The following PACRG variants were observed in gnomAD, a reference collection of about 807,000 sequenced individuals.
The protein encoded by PACRG is parkin coregulated gene protein.
A neutral mutation model predicts 29.7 loss-of-function variants in PACRG; 29 were observed. That is an observed-to-expected ratio of 0.98 (90% CI 0.73 to 1.33). The LOEUF (loss-of-function observed/expected upper bound fraction) is 1.33, where lower values mean the gene tolerates loss of function less well. Among genes scored for constraint, PACRG ranks in the 40% most tolerant of loss-of-function variants. PACRG has a pLI of 0.00. For missense variants in PACRG, 279 were observed against 316.2 expected, an observed-to-expected ratio of 0.88 and a Z score of 0.89; for synonymous variants, 116 against 118.7, an observed-to-expected ratio of 0.98 and a Z score of 0.15.
intron 4 of PACRG, among the ~76,000 whole-genome samples, chr6:163,311,851 T>A (rs942665886): frequency 7.2e-5 from 11 of 152,226 alleles, no homozygotes; most frequent in African/African-American, 2.7e-4. Context: ...AAAGTTCTGC[T>A]TGTCATTGCT....
intron 2 of PACRG, among the ~76,000 whole-genome samples, chr6:162,824,808 T>C (rs1788142392): frequency 6.6e-6 from 1 of 152,232 alleles, no homozygotes; most frequent in Non-Finnish European, 1.5e-5. Context: ...TAGATCACTA[T>C]TCAAGGAAGA....
intron 4 of PACRG, among the ~76,000 whole-genome samples, chr6:163,252,221 C>T (rs1245897299): frequency 6.6e-6 from 1 of 152,240 alleles, no homozygotes; most frequent in Non-Finnish European, 1.5e-5. Flanking sequence ...AGGGCCGCAG[C>T]CCCTGCTGCT....
intron 3 of PACRG, among the ~76,000 whole-genome samples, chr6:163,067,405 G>A (rs1303587871): frequency 6.6e-6 from 1 of 152,238 alleles, no homozygotes; most frequent in Admixed American, 6.5e-5. Context: ...TCCCTTGTAT[G>A]TGGGATCAGG....
chr6:163,291,204 A>C lies in PACRG; in HGVS notation c.614-23623A>C, dbSNP rs1436107806. Reference sequence around the variant, plus strand: ...GCCTGCCCGAGCTGGCCTGCGGGTCACCCTGCAAGATGTCCCCTCTGCCCG... The same window carrying C: ...GCCTGCCCGAGCTGGCCTGCGGGTCCCCCTGCAAGATGTCCCCTCTGCCCG... On this transcript the variant is annotated intron_variant, in intron 4 of 4. Coordinates refer to ENST00000366888, the MANE Select transcript of PACRG (RefSeq NM_001080379.2). Among the ~76,000 whole-genome samples the C allele has an allele frequency of 8.8e-5, 12 of 136,838 alleles. 1 individual carries two copies. The highest frequency in any genetic ancestry group is 3.6e-4 in the African/African-American group (12 of 33,782). The allele number at this position is 136,838 out of a possible 152,430, so 89.8% of individuals were successfully genotyped here.
At chr6:163,049,675 C>T (rs990483112) in intron 2 of PACRG, among the ~76,000 whole-genome samples, 8 of 151,832 alleles carry the variant, frequency 5.3e-5, no homozygotes, top group Non-Finnish European at 1.0e-4. Context: ...ATACAAATGA[C>T]CTTCAAAAAT....
chr6:163,150,497 A>G (rs762192362), intron 4 of PACRG, among the ~76,000 whole-genome samples: 18 of 152,326 alleles, frequency 1.2e-4, no homozygotes, highest in East Asian at 3.9e-4. Context: ...GCCCCAAGGA[A>G]GATGTTCTCT....
intron 2 of PACRG, among the ~76,000 whole-genome samples, chr6:162,996,129 C>T (rs1006260073): frequency 1.3e-5 from 2 of 152,028 alleles, no homozygotes; most frequent in Non-Finnish European, 2.9e-5. Flanking sequence ...TCTCACCACT[C>T]GTGTGTGTGC....
At chr6:163,027,897 T>C (rs1440622437) in intron 2 of PACRG, among the ~76,000 whole-genome samples, 5 of 152,106 alleles carry the variant, frequency 3.3e-5, no homozygotes, top group Non-Finnish European at 7.4e-5. Flanking sequence ...TTTCCAGTGG[T>C]AATAAGGGGC....
At chr6:163,134,206 G>A (rs557229176) in intron 4 of PACRG, among the ~76,000 whole-genome samples, 1 of 152,170 alleles carries the variant, frequency 6.6e-6, no homozygotes, top group South Asian at 2.1e-4. Context: ...AAGCACAGGA[G>A]TAAGAAAGGA....
intron 4 of PACRG, among the ~76,000 whole-genome samples, chr6:163,224,535 A>G (rs1336450122): frequency 1.3e-5 from 2 of 152,176 alleles, no homozygotes; most frequent in African/African-American, 4.8e-5. Context: ...AAATCCACAC[A>G]TTTATATTCA....
chr6:163,264,520 G>A (rs1405990248), intron 4 of PACRG, among the ~76,000 whole-genome samples: 1 of 152,212 alleles, frequency 6.6e-6, no homozygotes, highest in South Asian at 2.1e-4. Context: ...AGCCGAAGTC[G>A]TTCAAGGGCG....
At chr6:163,045,771 C>T (rs934409055) in intron 2 of PACRG, among the ~76,000 whole-genome samples, 14 of 151,586 alleles carry the variant, frequency 9.2e-5, no homozygotes, top group African/African-American at 2.4e-4. Context: ...TACAGGCGTG[C>T]GCTACCACGC....
intron 4 of PACRG, among the ~76,000 whole-genome samples, chr6:163,162,082 G>A (rs1254354817): frequency 6.6e-6 from 1 of 152,166 alleles, no homozygotes; most frequent in Non-Finnish European, 1.5e-5. Context: ...ACAGCCTTGG[G>A]TATGGGGCTT....
intron 2 of PACRG, among the ~76,000 whole-genome samples, chr6:162,914,508 G>GTTT (rs3028611): frequency 2.1e-5 from 2 of 95,096 alleles, no homozygotes; most frequent in Non-Finnish European, 4.2e-5. Context: ...GTACTTTTTT[G>GTTT]TTTTTTTTTT....
At chr6:162,833,533 A>T (rs2128397288) in intron 2 of PACRG, among the ~76,000 whole-genome samples, 1 of 152,232 alleles carries the variant, frequency 6.6e-6, no homozygotes, top group African/African-American at 2.4e-5. Flanking sequence ...TTGTTTCTTG[A>T]CTTTTTAGTA....
At chr6:163,147,968 A>G (rs1048984660) in intron 4 of PACRG, among the ~76,000 whole-genome samples, 2 of 152,026 alleles carry the variant, frequency 1.3e-5, no homozygotes, top group African/African-American at 4.8e-5. Context: ...TGCCTCATAC[A>G]TTTCTTCTAC....
In PACRG at chr6:163,045,366, A is replaced by G. The variant is rs540070754; in HGVS notation, c.292-16784A>G. On this transcript the variant is annotated intron_variant, in intron 2 of 4. Transcript: ENST00000366888. ...AGGAGGGAATCAATGAATGTAAGCC[A>G]TGAACAACTGCAAAGAAACCCTCTG... is the stretch of plus-strand genomic sequence containing the variant. Among the ~76,000 whole-genome samples, 4 of 152,322 alleles carry G rather than the reference A, an allele frequency of 2.6e-5. No homozygotes were observed. The South Asian group carries it at 8.3e-4, about 32-fold the overall frequency.
rs367857623 is a variant in PACRG, at chr6:163,169,083, T to C, written c.613+79675T>C. Reference sequence around the variant, plus strand: ...TTGTGTTATTAGTTCTTAGTTTTCCTCTAGGTGCTCTTCTAAGTCTTCTTT... The same window carrying C: ...TTGTGTTATTAGTTCTTAGTTTTCCCCTAGGTGCTCTTCTAAGTCTTCTTT... On this transcript the variant is annotated intron_variant, in intron 4 of 4. Transcript: ENST00000366888. Among the ~76,000 whole-genome samples, 5 of 152,378 alleles carry C rather than the reference T, an allele frequency of 3.3e-5. No individual in the cohort carries two copies. The East Asian group carries it at 7.7e-4, about 23-fold the overall frequency.
At chr6:162,896,588 A>AG (rs1795184246) in intron 2 of PACRG, among the ~76,000 whole-genome samples, 1 of 152,234 alleles carries the variant, frequency 6.6e-6, no homozygotes, top group Non-Finnish European at 1.5e-5. Flanking sequence ...AAACTATGAT[A>AG]GGAAGGTTGT....
Sources: allele counts gnomAD v4.1 joint callset (sites outside exome capture counted in the v4.1 genomes callset), GRCh38; gene constraint gnomAD v4.1.1; transcripts MANE v1.5; gene names NCBI Gene and HGNC (gene_info 2026-07-23, HGNC 2026-07-21).